The following TPST1 variants were observed in gnomAD, a reference collection of about 807,000 sequenced individuals.
TPST1 encodes tyrosylprotein sulfotransferase 1.
Under a neutral mutation model 34.8 loss-of-function variants are expected in TPST1, and 20 were observed. The observed-to-expected ratio is 0.57, with a 90% CI of 0.40 to 0.84. The LOEUF (loss-of-function observed/expected upper bound fraction) is 0.84. Ranked by LOEUF, TPST1 falls within the 40% of genes least tolerant of loss-of-function variation. The pLI is 0.00. For missense variants in TPST1, 353 were observed against 455.5 expected, an observed-to-expected ratio of 0.78 and a Z score of 2.05; for synonymous variants, 152 against 159.4, an observed-to-expected ratio of 0.95 and a Z score of 0.35.
chr7:66,258,848 G>T (rs1440484372), intron 2 of TPST1, among the ~76,000 whole-genome samples: 1 of 152,188 alleles, frequency 6.6e-6, no homozygotes, highest in East Asian at 1.9e-4. Context: ...TTTGTGCATA[G>T]TGTGGACTTA....
chr7:66,324,424 A>G (rs1168350109), intron 3 of TPST1, among the ~76,000 whole-genome samples: 4 of 152,152 alleles, frequency 2.6e-5, no homozygotes, highest in Admixed American at 2.0e-4. Context: ...TTACGTATAA[A>G]CTTTTTACAT....
chr7:66,342,595 T>C (rs950435175), intron 3 of TPST1, among the ~76,000 whole-genome samples: 6 of 152,108 alleles, frequency 3.9e-5, no homozygotes, highest in African/African-American at 1.4e-4. Flanking sequence ...CTGCAGACTG[T>C]ACAAGAAGCA....
chr7:66,333,438 T>C (rs967895025), intron 3 of TPST1, among the ~76,000 whole-genome samples: 1 of 152,178 alleles, frequency 6.6e-6, no homozygotes, highest in African/African-American at 2.4e-5. Flanking sequence ...GTTAGGTTGT[T>C]AGACAAAAGA....
chr7:66,231,890 G>A (rs545486234), intron 1 of TPST1, among the ~76,000 whole-genome samples: 6 of 152,240 alleles, frequency 3.9e-5, no homozygotes, highest in Admixed American at 2.0e-4. Flanking sequence ...CTGCCAGCAC[G>A]CTGTCATCTC....
At chr7:66,327,322 G>A (rs374262020) in intron 3 of TPST1, among the ~76,000 whole-genome samples, 19 of 152,186 alleles carry the variant, frequency 1.2e-4, no homozygotes, top group African/African-American at 4.1e-4. Flanking sequence ...AGTTTACAAT[G>A]AGTTTACAGA....
chr7:66,346,462 C>T (rs948629009), intron 3 of TPST1, among the ~76,000 whole-genome samples: 10 of 152,092 alleles, frequency 6.6e-5, no homozygotes, highest in African/African-American at 2.4e-4. Context: ...ACCAGGGTTC[C>T]CTTTTCTCCA....
chr7:66,225,131 G>A (rs1789626220), intron 1 of TPST1, among the ~76,000 whole-genome samples: 1 of 150,724 alleles, frequency 6.6e-6, no homozygotes, highest in African/African-American at 2.4e-5. Context: ...TGGCCAGGCT[G>A]GTCTTGAACT....
intron 2 of TPST1, among the ~76,000 whole-genome samples, chr7:66,243,146 G>GGTGT (rs150715860): frequency 3.9e-4 from 58 of 148,564 alleles, no homozygotes; most frequent in South Asian, 1.9e-3. Flanking sequence ...GATGACAAGG[G>GGTGT]GTGTGTGTGT....
At chr7:66,308,229 G>T (rs957253151) in intron 3 of TPST1, among the ~76,000 whole-genome samples, 1 of 152,170 alleles carries the variant, frequency 6.6e-6, no homozygotes, top group African/African-American at 2.4e-5. Context: ...TCAAAAGGGA[G>T]AGTAATGATC....
intron 5 of TPST1, among the ~76,000 whole-genome samples, chr7:66,358,840 A>C (rs538847836): frequency 1.3e-5 from 2 of 152,146 alleles, no homozygotes; most frequent in Admixed American, 6.5e-5. Flanking sequence ...ACAAGGCCTC[A>C]TTTCTTTACC....
intron 3 of TPST1, among the ~76,000 whole-genome samples, chr7:66,330,889 TA>T (rs1791983269): frequency 6.6e-6 from 1 of 152,236 alleles, no homozygotes; most frequent in Non-Finnish European, 1.5e-5. Context: ...CAAATTATTC[TA>T]AAACGTATTA....
At chr7:66,350,268 G>A (rs1194343750) in intron 3 of TPST1, among the ~76,000 whole-genome samples, 4 of 152,146 alleles carry the variant, frequency 2.6e-5, no homozygotes, top group Non-Finnish European at 4.4e-5. Flanking sequence ...GCCCGCCTTC[G>A]CCTCCCAAAA....
chr7:66,306,057 G>T (rs1791416447), intron 3 of TPST1, among the ~76,000 whole-genome samples: 1 of 152,030 alleles, frequency 6.6e-6, no homozygotes, highest in African/African-American at 2.4e-5. Flanking sequence ...GGAACGAATA[G>T]AATACAACAA....
intron 3 of TPST1, 116 bp downstream of exon 3, chr7:66,286,825 T>TTTTTTTGTA: frequency 1.6e-6 from 1 of 637,416 alleles, no homozygotes; most frequent in Non-Finnish European, 2.2e-6. Flanking sequence ...ATATTTTTTT[T>TTTTTTTGTA]TTTTTTCATT....
intron 3 of TPST1, among the ~76,000 whole-genome samples, chr7:66,307,808 G>A (rs1246185526): frequency 1.3e-5 from 2 of 152,200 alleles, no homozygotes; most frequent in East Asian, 1.9e-4. Context: ...GTTCATTAGC[G>A]TTCTGAGCAA....
In TPST1 at chr7:66,277,701, G is replaced by A. The variant is rs1790846215; in HGVS notation, c.846-8810G>A. On this transcript the variant is annotated intron_variant, in intron 2 of 5. Coordinates refer to ENST00000304842, the MANE Select transcript of TPST1 (RefSeq NM_003596.4). ...ACTCAGATTCCCTCTCATTTCCAGT[G>A]CCTAGTCACTCTGAGTGACTAGGGA... Among the ~76,000 whole-genome samples, 3 of 152,200 alleles carry A rather than the reference G, an allele frequency of 2.0e-5. No homozygotes were observed. In the South Asian group the frequency reaches 6.2e-4, roughly 32 times the overall value.
chr7:66,355,121 TA>T (rs1417886117), intron 4 of TPST1, among the ~76,000 whole-genome samples: 1 of 152,156 alleles, frequency 6.6e-6, no homozygotes, highest in Non-Finnish European at 1.5e-5. Flanking sequence ...GATGTTTATG[TA>T]ATAAAAATCA....
intron 1 of TPST1, among the ~76,000 whole-genome samples, chr7:66,214,022 A>T (rs1789334520): frequency 1.3e-5 from 2 of 152,188 alleles, no homozygotes; most frequent in Admixed American, 6.5e-5. Flanking sequence ...CTTTATTGAG[A>T]TATAATTCAC....
chr7:66,319,178 G>A (rs574991189), intron 3 of TPST1, among the ~76,000 whole-genome samples: 1 of 151,356 alleles, frequency 6.6e-6, no homozygotes, highest in African/African-American at 2.4e-5. Context: ...TCTCCATTTT[G>A]TCCTTTGAAC....
Sources: allele counts gnomAD v4.1 joint callset (sites outside exome capture counted in the v4.1 genomes callset), GRCh38; gene constraint gnomAD v4.1.1; transcripts MANE v1.5; gene names NCBI Gene and HGNC (gene_info 2026-07-23, HGNC 2026-07-21).